Variants in DNAH12 observed in about 807,000 individuals in gnomAD.
DNAH12 encodes dynein axonemal heavy chain 12, also known as axonemal beta dynein heavy chain 12.
Under a neutral mutation model 371.5 loss-of-function variants are expected in DNAH12, and 285 were observed. The ratio of observed to expected loss-of-function variants is 0.77; its 90% CI spans 0.70 to 0.85. DNAH12 has a LOEUF of 0.85. Ranked by LOEUF, DNAH12 falls within the 40% of genes least tolerant of loss-of-function variation. The pLI, the probability that DNAH12 is intolerant of heterozygous loss-of-function variation, is 0.00. For missense variants in DNAH12, 3,611 were observed against 3,689.4 expected (o/e 0.98, Z 0.55); for synonymous variants, 1,200 against 1,213.0 (o/e 0.99, Z 0.22).
At chr3:57,504,479 T>G (rs764927174) in intron 8 of DNAH12, among the ~76,000 whole-genome samples, 5 of 152,198 alleles carry the variant, frequency 3.3e-5, no homozygotes, top group Non-Finnish European at 7.3e-5. Flanking sequence ...GGTGCCATCA[T>G]AGCTCACTGT....
intron 13 of DNAH12, 108 bp from the exon 14 acceptor site, chr3:57,472,779 C>G (rs2066404854): frequency 8.4e-7 from 1 of 1,186,706 alleles, no homozygotes; most frequent in Non-Finnish European, 1.2e-6. Context: ...TTCAGTTTGA[C>G]TCAGATTATT....
chr3:57,334,238 A>G (rs969847747), intron 62 of DNAH12, among the ~76,000 whole-genome samples: 1 of 152,236 alleles, frequency 6.6e-6, no homozygotes, highest in Admixed American at 6.5e-5. Context: ...TATATGTGCA[A>G]CTGAAATCCT....
Position 57,528,068 on chromosome 3 carries a change from G to T in DNAH12, c.171-4184C>A, listed in dbSNP as rs568628972. ...TTTGAGACAGAGTTTCGCTCTTGTTGCCCAGGCGGGAGGGCAATGGTGCAA... is the reference window on the plus strand; with the variant it reads ...TTTGAGACAGAGTTTCGCTCTTGTTTCCCAGGCGGGAGGGCAATGGTGCAA... On this transcript the variant is annotated intron_variant, in intron 2 of 73. Coordinates refer to ENST00000495027, the MANE Select transcript of DNAH12 (RefSeq NM_001366028.2). Among the ~76,000 whole-genome samples the T allele has an allele frequency of 1.5e-3, 221 of 151,866 alleles. 1 individual carries two copies. Among genetic ancestry groups the T allele is most frequent in the African/African-American group, 5.1e-3 (211 of 41,438 alleles).
rs560426392 is a variant in DNAH12, at chr3:57,433,420, T to C, written c.4927A>G (p.Ile1643Val). ...ATGCTCTCTATCCACAAAGTGTCAA[T>C]AGGACCATCAAATACAACCCATTTC... is the stretch of plus-strand genomic sequence containing the variant. ...DRKWVVFDGP[I>V]DTLWIESMNT... Residue 1643 changes from isoleucine to valine, a missense_variant, in exon 32 of 74, where the codon ATT becomes GTT. Transcript: ENST00000495027. 2.2e-4 allele frequency: 344 copies of C among 1,551,498 alleles called. 4 individuals are homozygous for C. In the South Asian group the frequency reaches 3.9e-3, roughly 18 times the overall value.
At chr3:57,517,539 A>G (rs2153396317) in intron 4 of DNAH12, among the ~76,000 whole-genome samples, 2 of 152,320 alleles carry the variant, frequency 1.3e-5, no homozygotes, top group Middle Eastern at 6.8e-3. Flanking sequence ...ATATAGTGAA[A>G]GGAAATTTAT....
chr3:57,397,112 G>T (rs1415202961), intron 43 of DNAH12, among the ~76,000 whole-genome samples: 2 of 152,148 alleles, frequency 1.3e-5, no homozygotes, highest in African/African-American at 4.8e-5. Context: ...CTTTGAAATA[G>T]GTGGTATTAC....
At chr3:57,550,106 C>A in the DNAH12 span, among the ~76,000 whole-genome samples, 1 of 152,050 alleles carries the variant, frequency 6.6e-6, no homozygotes, top group Middle Eastern at 3.4e-3. Context: ...GCCAGGAGTG[C>A]AAGACCAGCC....
chr3:57,523,960 T>C, intron 2 of DNAH12, 76 bp from the exon 3 acceptor site: 1 of 1,067,654 alleles, frequency 9.4e-7, no homozygotes, highest in South Asian at 1.7e-5. Context: ...ATTTAAGCAT[T>C]TTTCCAACTA....
intron 13 of DNAH12, among the ~76,000 whole-genome samples, chr3:57,479,167 C>G (rs2066644808): frequency 6.6e-6 from 1 of 152,026 alleles, no homozygotes; most frequent in Non-Finnish European, 1.5e-5. Flanking sequence ...GTGCTGTATT[C>G]AGGAAACCCA....
Position 57,507,777 on chromosome 3 carries a change from C to T in DNAH12, c.763G>A (p.Ala255Thr), listed in dbSNP as rs373483492. ...KTDLSIQTRN[A>T]EEKIMNTWYP... is the part of the protein sequence containing the mutation. ...CATGTATTCATTATCTTCTCTTCTG[C>T]GTTTCTAGTTTGTATTGATAGATCA... Residue 255 changes from alanine (A) to threonine (T), a missense_variant, in exon 8 of 74, where the codon GCA becomes ACA. Around this residue, in one of 3 missense-constraint regions of DNAH12, gnomAD observed 1,314 missense variants for 1,398.7 expected, o/e 0.94. Coordinates refer to ENST00000495027, the MANE Select transcript of DNAH12 (RefSeq NM_001366028.2). The T allele has an allele frequency of 7.0e-5, 112 of 1,607,898 alleles. No homozygotes were observed. The highest frequency in any genetic ancestry group is 3.6e-4 in the Admixed American group (21 of 57,776).
chr3:57,328,799 T>C lies in DNAH12; in HGVS notation c.9979-5180A>G, dbSNP rs1575459454. 3.9e-5 allele frequency among the ~76,000 whole-genome samples: 5 copies of C among 129,658 alleles called. 1 individual carries two copies. The highest frequency in any genetic ancestry group is 3.2e-4 in the Admixed American group (4 of 12,328). The allele number at this position is 129,658 out of a possible 152,430, so 85.1% of individuals were successfully genotyped here. ...CCTGTTTGCAGATGACATGATTATA[T>C]ATCTAGAAAACCCCATTGTCTCAGC... On this transcript the variant is annotated intron_variant, in intron 62 of 73. Transcript: ENST00000495027.
At chr3:57,448,001 C>T (rs533547959) in intron 25 of DNAH12, among the ~76,000 whole-genome samples, 5 of 152,254 alleles carry the variant, frequency 3.3e-5, no homozygotes, top group Admixed American at 6.5e-5. Context: ...ATAATGGATG[C>T]CATATTGTTA....
intron 60 of DNAH12, among the ~76,000 whole-genome samples, chr3:57,339,739 AACAACATGCTCCTGAGTG>A (rs2062346612): frequency 6.6e-6 from 1 of 152,164 alleles, no homozygotes; most frequent in Admixed American, 6.5e-5. Context: ...GTGAAAACTA[AACAACATGCTCCTGAGTG>A]ACCAATTGAT....
chr3:57,500,657 A>C (rs777827144), intron 11 of DNAH12, among the ~76,000 whole-genome samples: 5 of 152,180 alleles, frequency 3.3e-5, no homozygotes, highest in African/African-American at 4.8e-5. Flanking sequence ...AATTTCCCAA[A>C]GCAAACAACA....
At chr3:57,473,155 G>A (rs1490179348) in intron 13 of DNAH12, among the ~76,000 whole-genome samples, 1 of 152,008 alleles carries the variant, frequency 6.6e-6, no homozygotes. Context: ...GTATGCAATA[G>A]TCTAGAATAT....
chr3:57,309,658 A>T lies in DNAH12; in HGVS notation c.11085+8T>A. On this transcript the variant is annotated splice_region_variant and intron_variant, in intron 68 of 73. Coordinates refer to ENST00000495027, the MANE Select transcript of DNAH12 (RefSeq NM_001366028.2). ...ATTATAAGTAACATATTTTAAGCTG[A>T]ACATTACCTTGTTGAGGATATCTTT... The T allele has an allele frequency of 6.7e-7, 1 of 1,496,614 alleles. No homozygotes were observed. 92.7% of individuals were successfully genotyped at this position (1,496,614 alleles called of 1,614,324 possible).
intron 43 of DNAH12, among the ~76,000 whole-genome samples, chr3:57,397,484 T>C (rs1483259989): frequency 1.3e-5 from 2 of 152,114 alleles, no homozygotes; most frequent in Non-Finnish European, 2.9e-5. Flanking sequence ...TGGGGGCTGT[T>C]TCACCTGCCT....
intron 55 of DNAH12, among the ~76,000 whole-genome samples, chr3:57,371,902 A>G (rs1399274692): frequency 6.9e-6 from 1 of 145,870 alleles, no homozygotes; most frequent in African/African-American, 2.5e-5. Flanking sequence ...CAAAAGCAAA[A>G]AGCAAAAAAC....
chr3:57,307,436 C>A (rs2061495819), intron 69 of DNAH12, among the ~76,000 whole-genome samples: 1 of 152,170 alleles, frequency 6.6e-6, no homozygotes, highest in Non-Finnish European at 1.5e-5. Context: ...AGTCAGAATT[C>A]TTACACAAGA....
Sources: gnomAD v4.1 joint callset for allele counts (sites outside exome capture counted in the v4.1 genomes callset) on GRCh38, gnomAD v4.1.1 for gene constraint, gnomAD v4.1.1 regional missense constraint, MANE v1.5 for transcripts, NCBI Gene and HGNC (gene_info 2026-07-23, HGNC 2026-07-21) for gene names.